Variants in CHODL observed in about 807,000 individuals in gnomAD.
The protein encoded by CHODL is transmembrane protein MT75.
In CHODL, 29 loss-of-function variants were observed where a neutral mutation model predicts 34.5. That is an observed-to-expected ratio of 0.84 (90% CI 0.63 to 1.15). The LOEUF (loss-of-function observed/expected upper bound fraction) is 1.15, where lower values mean the gene tolerates loss of function less well. Ranked by LOEUF, CHODL falls within the 50% of genes most tolerant of loss-of-function variation. CHODL has a pLI of 0.00. For missense variants in CHODL, 332 were observed against 332.5 expected, an observed-to-expected ratio of 1.00 and a Z score of 0.01; for synonymous variants, 125 against 116.1, an observed-to-expected ratio of 1.08 and a Z score of -0.49.
At chr21:18,241,269 GC>G (rs547357656), upstream of CHODL, among the ~76,000 whole-genome samples, 797 of 149,984 alleles carry the variant, frequency 5.3e-3, 4 homozygotes, top group African/African-American at 0.019. Flanking sequence ...AAAACTTTTT[GC>G]CTATTGCTGA....
chr21:18,245,927 T>TG (rs1298875869), intron 1 of CHODL: 7 of 1,535,540 alleles, frequency 4.6e-6, no homozygotes, highest in Non-Finnish European at 6.1e-6. Context: ...CAGCTGGAGT[T>TG]GGGCCGAGGT....
intron 2 of CHODL, among the ~76,000 whole-genome samples, chr21:18,082,243 C>T (rs2064951561): frequency 6.6e-6 from 1 of 152,220 alleles, no homozygotes; most frequent in Non-Finnish European, 1.5e-5. Context: ...GACATGCTTA[C>T]TTCCCCTTCA....
intron 1 of CHODL, chr21:18,022,351 T>G (rs775258598): frequency 6.6e-6 from 1 of 152,220 alleles, no homozygotes; most frequent in Non-Finnish European, 1.5e-5. Context: ...TATTTTCTTG[T>G]CTTTCTCATA....
intron 2 of CHODL, among the ~76,000 whole-genome samples, chr21:18,067,354 C>A (rs547671876): frequency 3.2e-4 from 49 of 152,226 alleles, no homozygotes; most frequent in South Asian, 2.5e-3. Context: ...AGTGTTCATC[C>A]AATATGACTG....
At chr21:18,209,222 C>T (rs1303182199) in intron 2 of CHODL, among the ~76,000 whole-genome samples, 1 of 152,112 alleles carries the variant, frequency 6.6e-6, no homozygotes, top group Non-Finnish European at 1.5e-5. Context: ...GCTCAGCTGG[C>T]ACTCAAGCCA....
At chr21:18,083,557 AG>A (rs971360231) in intron 2 of CHODL, among the ~76,000 whole-genome samples, 1 of 152,156 alleles carries the variant, frequency 6.6e-6, no homozygotes, top group Non-Finnish European at 1.5e-5. Context: ...AGCAGCCAGG[AG>A]GGGGGCTGTA....
chr21:17,940,199 A>G (rs980276938), intron 1 of CHODL, among the ~76,000 whole-genome samples: 2 of 152,192 alleles, frequency 1.3e-5, no homozygotes, highest in African/African-American at 4.8e-5. Context: ...CTAGATAAAA[A>G]CCCAACTGCA....
At chr21:17,928,678 A>C (rs565297159) in intron 1 of CHODL, among the ~76,000 whole-genome samples, 1 of 152,328 alleles carries the variant, frequency 6.6e-6, no homozygotes, top group African/African-American at 2.4e-5. Context: ...CAATGAAAGG[A>C]TAGCCATGTT....
intron 2 of CHODL, among the ~76,000 whole-genome samples, chr21:18,117,148 C>T (rs2065422780): frequency 6.6e-6 from 1 of 152,170 alleles, no homozygotes; most frequent in Admixed American, 6.5e-5. Context: ...TGGGTTACCT[C>T]ATGAGCTGTC....
chr21:18,248,891 ATATAATACATATATATG>A (rs1302730944), intron 1 of CHODL, among the ~76,000 whole-genome samples: 24 of 111,248 alleles, frequency 2.2e-4, no homozygotes, highest in South Asian at 7.0e-4. Context: ...TGTACCTATA[ATATAATACATATATATG>A]TATAATACAT....
intron 1 of CHODL, among the ~76,000 whole-genome samples, chr21:17,938,383 C>CAT (rs1026449633): frequency 1.6e-5 from 2 of 128,944 alleles, no homozygotes; most frequent in South Asian, 5.6e-4. Flanking sequence ...ACAGCTACTG[C>CAT]ATATATATAG....
rs1049097746 is a variant in CHODL at position 18,082,836 on chromosome 21, G to T, written c.-45+54865G>T. 4.6e-5 allele frequency among the ~76,000 whole-genome samples: 7 copies of T among 151,506 alleles called. No individual in the cohort carries two copies. In the East Asian group the frequency reaches 1.4e-3, roughly 29 times the overall value. On this transcript the variant is annotated intron_variant, in intron 2 of 6. Coordinates refer to the CHODL transcript ENST00000400127. ...GTACAGTCATATGTATTCACAAAGA[G>T]ATGGTCTGAAATTGAAACTTACATT...
intron 2 of CHODL, among the ~76,000 whole-genome samples, chr21:18,096,533 T>C (rs2065141912): frequency 6.6e-6 from 1 of 152,092 alleles, no homozygotes; most frequent in Non-Finnish European, 1.5e-5. Flanking sequence ...GTGTCTGTCT[T>C]ATGTGGTTGA....
At chr21:18,152,618 C>T (rs557390223) in intron 2 of CHODL, among the ~76,000 whole-genome samples, 1 of 152,226 alleles carries the variant, frequency 6.6e-6, no homozygotes, top group East Asian at 1.9e-4. Context: ...CCACATGGCT[C>T]TCTCAAAACA....
intron 1 of CHODL, among the ~76,000 whole-genome samples, chr21:18,002,992 G>A (rs936796907): frequency 1.3e-5 from 2 of 151,942 alleles, no homozygotes; most frequent in Non-Finnish European, 2.9e-5. Flanking sequence ...GCGAGGTGGC[G>A]GGCGCCTGTA....
chr21:18,115,111 TAATAGA>T (rs1276971774), intron 2 of CHODL, among the ~76,000 whole-genome samples: 1 of 152,190 alleles, frequency 6.6e-6, no homozygotes, highest in Admixed American at 6.5e-5. Context: ...TTAGAAAGAT[TAATAGA>T]AAAGTTGTAG....
At chr21:18,025,270 T>A (rs1248791398) in intron 1 of CHODL, among the ~76,000 whole-genome samples, 1 of 152,238 alleles carries the variant, frequency 6.6e-6, no homozygotes, top group Non-Finnish European at 1.5e-5. Context: ...GTCACTTGGC[T>A]AGCTTAACCT....
At chr21:18,243,880 A>G (rs1169938653), upstream of CHODL, among the ~76,000 whole-genome samples, 1 of 152,206 alleles carries the variant, frequency 6.6e-6, no homozygotes, top group African/African-American at 2.4e-5. Flanking sequence ...TACTTCCTAT[A>G]AGACAAGTAA....
At chr21:18,115,356 C>A (rs2065399732) in intron 2 of CHODL, among the ~76,000 whole-genome samples, 2 of 152,268 alleles carry the variant, frequency 1.3e-5, no homozygotes, top group Non-Finnish European at 1.5e-5. Context: ...AGTGACTGTG[C>A]AAAATAATCC....
Sources: allele counts gnomAD v4.1 joint callset (sites outside exome capture counted in the v4.1 genomes callset), GRCh38; gene constraint gnomAD v4.1.1; transcripts MANE v1.5; gene names NCBI Gene and HGNC (gene_info 2026-07-23, HGNC 2026-07-21).